Variants in TPRG1 observed in about 807,000 individuals in gnomAD.
TPRG1 encodes the protein tumor protein p63 regulated 1.
TPRG1 carries 29 observed loss-of-function variants against 29.3 expected under a neutral mutation model. The ratio of observed to expected loss-of-function variants is 0.99; its 90% CI spans 0.74 to 1.35. TPRG1 has a LOEUF of 1.35. Among genes scored for constraint, TPRG1 ranks in the 40% most tolerant of loss-of-function variants. The pLI, the probability that TPRG1 is intolerant of heterozygous loss-of-function variation, is 0.00. For missense variants in TPRG1, 327 were observed against 335.0 expected (o/e 0.98, Z 0.19); for synonymous variants, 130 against 116.8 (o/e 1.11, Z -0.73).
intron 1 of TPRG1, among the ~76,000 whole-genome samples, chr3:189,104,647 C>T (rs907563943): frequency 3.3e-5 from 5 of 151,584 alleles, no homozygotes; most frequent in Non-Finnish European, 4.4e-5. Context: ...AGATTAAGAA[C>T]CCTCGGTCTA....
intron 4 of TPRG1, among the ~76,000 whole-genome samples, chr3:189,091,402 A>G (rs534490935): frequency 3.9e-5 from 6 of 152,216 alleles, no homozygotes; most frequent in African/African-American, 1.4e-4. Flanking sequence ...CTTAATTACC[A>G]CCACAATTGA....
In TPRG1 at chr3:189,026,878, G is replaced by A. The variant is rs140369000; in HGVS notation, c.-463+2932G>A. 9.9e-5 allele frequency among the ~76,000 whole-genome samples: 15 copies of A among 152,264 alleles called. 2 individuals are homozygous for A. Among genetic ancestry groups the A allele is most frequent in the East Asian group, 1.9e-4 (1 of 5,168 alleles). ...GAGCCCAGGTAGGAGGCAACATGGC[G>A]TGTTTGTTGAGAGCATTGACTCCAC... On this transcript the variant is annotated intron_variant, in intron 4 of 10. Transcript: ENST00000433971.
intron 4 of TPRG1, among the ~76,000 whole-genome samples, chr3:189,263,592 T>G (rs965596562): frequency 2.0e-5 from 3 of 152,208 alleles, no homozygotes; most frequent in Non-Finnish European, 2.9e-5. Flanking sequence ...TACTATAAAC[T>G]GTGGGGACAT....
chr3:189,200,096 G>A (rs148052764), intron 1 of TPRG1, among the ~76,000 whole-genome samples: 3 of 152,188 alleles, frequency 2.0e-5, no homozygotes, highest in Admixed American at 6.5e-5. Context: ...TCTTCCCCAC[G>A]GCCCTCTTTC....
chr3:189,231,931 T>C (rs1738713249), intron 3 of TPRG1, among the ~76,000 whole-genome samples: 1 of 126,224 alleles, frequency 7.9e-6, no homozygotes, highest in South Asian at 2.5e-4. Context: ...TTTCAGAAGC[T>C]TCAAACCTGG....
chr3:189,250,506 C>G (rs377251137), intron 4 of TPRG1, among the ~76,000 whole-genome samples: 3 of 63,604 alleles, frequency 4.7e-5, no homozygotes, highest in East Asian at 6.5e-4. Context: ...TGATTTCCGC[C>G]CCCCCCCCCC....
chr3:189,238,961 A>C, intron 4 of TPRG1, 52 bp downstream of exon 4: 1 of 1,468,786 alleles, frequency 6.8e-7, no homozygotes, highest in South Asian at 1.4e-5. Context: ...ATGGACCTGC[A>C]GGGAAAACAA....
At chr3:189,068,440 A>C (rs1296682980) in intron 4 of TPRG1, among the ~76,000 whole-genome samples, 2 of 152,188 alleles carry the variant, frequency 1.3e-5, no homozygotes, top group Admixed American at 1.3e-4. Flanking sequence ...TTAAAAAAAG[A>C]TGGTACATAT....
intron 4 of TPRG1, among the ~76,000 whole-genome samples, chr3:189,072,894 A>T (rs1287676247): frequency 6.6e-6 from 1 of 152,168 alleles, no homozygotes; most frequent in East Asian, 1.9e-4. Context: ...CCTTACTCAC[A>T]TCGTCCCAGA....
chr3:189,039,636 A>C (rs985778116), intron 4 of TPRG1, among the ~76,000 whole-genome samples: 1 of 152,210 alleles, frequency 6.6e-6, no homozygotes, highest in Non-Finnish European at 1.5e-5. Context: ...ATTTCATAAG[A>C]GAACATGACA....
rs564874420 is a variant in TPRG1, at chr3:189,287,053, C to A, written c.480-23333C>A. 8.0e-4 allele frequency among the ~76,000 whole-genome samples: 122 copies of A among 152,190 alleles called. 2 individuals carry two copies. Among genetic ancestry groups the A allele is most frequent in the Non-Finnish European group, 1.3e-3 (91 of 67,994 alleles). ...ACGGAGGGCAGCAGGGCCTCACCCT[C>A]CTTTTGTCTTTCCATTTTGCTGTCT... On this transcript the variant is annotated intron_variant, in intron 4 of 5. Coordinates refer to ENST00000345063, the MANE Select transcript of TPRG1 (RefSeq NM_198485.4).
At chr3:189,196,520 C>G (rs1386533121) in intron 1 of TPRG1, among the ~76,000 whole-genome samples, 1 of 152,076 alleles carries the variant, frequency 6.6e-6, no homozygotes, top group Non-Finnish European at 1.5e-5. Flanking sequence ...TGGCAGCAGG[C>G]AGGAGAGGGC....
chr3:189,078,055 C>T lies in TPRG1; in HGVS notation c.-462-49002C>T, dbSNP rs59802339. ...TCCTTCCTTCCTTCCTTCCTTCCTT[C>T]CTTCCTTTCTCTCCTTTCTCTCTTT... is the stretch of plus-strand genomic sequence containing the variant. On this transcript the variant is annotated intron_variant, in intron 4 of 10. Transcript: ENST00000433971. Among the ~76,000 whole-genome samples the T allele has an allele frequency of 9.8e-3, 1,394 of 142,444 alleles. 18 individuals carry two copies. Among genetic ancestry groups the T allele is most frequent in the African/African-American group, 0.038 (1,310 of 34,454 alleles). The allele number at this position is 142,444 out of a possible 152,430, so 93.4% of individuals were successfully genotyped here. A position where few individuals can be genotyped will look rare whatever the true frequency, so the allele number is the denominator to read the frequency against.
At chr3:189,142,971 A>G (rs1006639404) in intron 3 of TPRG1, among the ~76,000 whole-genome samples, 1 of 152,174 alleles carries the variant, frequency 6.6e-6, no homozygotes, top group Admixed American at 6.5e-5. Flanking sequence ...CAGTATTAGA[A>G]CTCCATAGAT....
chr3:189,100,723 A>G (rs1200622428), intron 1 of TPRG1, among the ~76,000 whole-genome samples: 1 of 152,160 alleles, frequency 6.6e-6, no homozygotes, highest in Non-Finnish European at 1.5e-5. Context: ...TGAATTATAA[A>G]CCTTGTGATT....
intron 2 of TPRG1, among the ~76,000 whole-genome samples, chr3:189,130,652 A>G (rs965347594): frequency 6.6e-6 from 1 of 152,230 alleles, no homozygotes; most frequent in African/African-American, 2.4e-5. Context: ...TGAGGGCTCT[A>G]CTATCAAGCA....
chr3:189,126,677 G>T (rs1292420537), intron 1 of TPRG1, among the ~76,000 whole-genome samples: 1 of 152,128 alleles, frequency 6.6e-6, no homozygotes, highest in African/African-American at 2.4e-5. Context: ...AGCTTGCTGA[G>T]CTTAGATCTA....
At chr3:189,295,189 C>T (rs922649762) in intron 4 of TPRG1, among the ~76,000 whole-genome samples, 4 of 152,142 alleles carry the variant, frequency 2.6e-5, no homozygotes, top group African/African-American at 7.2e-5. Context: ...TGGAATCTGC[C>T]CTCTGTAATG....
At chr3:189,042,924 A>G (rs1413872274) in intron 4 of TPRG1, among the ~76,000 whole-genome samples, 1 of 152,096 alleles carries the variant, frequency 6.6e-6, no homozygotes, top group Non-Finnish European at 1.5e-5. Context: ...CAACCCAAAG[A>G]CCTCCATAAA....
Sources: gnomAD v4.1 joint callset for allele counts (sites outside exome capture counted in the v4.1 genomes callset) on GRCh38, gnomAD v4.1.1 for gene constraint, MANE v1.5 for transcripts, NCBI Gene and HGNC (gene_info 2026-07-23, HGNC 2026-07-21) for gene names.